ABCA9: variants seen among roughly 807,000 people sequenced by gnomAD.
ABCA9 encodes the protein ATP binding cassette subfamily A member 9, also known as ATP-binding cassette sub-family A member 9.
ABCA9 carries 183 observed loss-of-function variants against 205.3 expected under a neutral mutation model. The ratio of observed to expected loss-of-function variants is 0.89; its 90% CI spans 0.79 to 1.01. ABCA9 has a LOEUF of 1.01. Among genes scored for constraint, ABCA9 ranks in the 50% least tolerant of loss-of-function variants. The probability of loss-of-function intolerance (pLI) is 0.00; values close to 1 mark genes in which losing one functional copy is unlikely to be tolerated. For missense variants in ABCA9, 1,805 were observed against 1,912.4 expected (o/e 0.94, Z 1.05); for synonymous variants, 651 against 683.3 (o/e 0.95, Z 0.74).
At chr17:68,992,146 A>T (rs757361682) in intron 28 of ABCA9, 29 bp downstream of exon 28, 3 of 1,448,962 alleles carry the variant, frequency 2.1e-6, no homozygotes, top group Non-Finnish European at 2.8e-6. Context: ...ATCAAAATGA[A>T]ACATGAAATT....
intron 23 of ABCA9, among the ~76,000 whole-genome samples, chr17:69,009,503 G>A (rs1297999333): frequency 6.6e-6 from 1 of 152,154 alleles, no homozygotes; most frequent in Non-Finnish European, 1.5e-5. Flanking sequence ...AAGGGAGTAA[G>A]ATACACCTGG....
the ABCA9 span, among the ~76,000 whole-genome samples, chr17:69,077,634 T>C: frequency 8.5e-5 from 13 of 152,322 alleles, no homozygotes; most frequent in East Asian, 1.5e-3. Context: ...TGTTTGGCTC[T>C]CTAAGTCTTT....
In ABCA9 at chr17:69,020,535, C is replaced by T. The variant is rs199529767; in HGVS notation, c.2453G>A (p.Ser818Asn). ...LQTDGAKDIG[S>N]LVELEQVLSS... Reference sequence around the variant, plus strand: ...CAAAACTTGTTCCAGCTCAACAAGGCTTCCTATATCTTTTGCCCCATCAGT... The same window carrying T: ...CAAAACTTGTTCCAGCTCAACAAGGTTTCCTATATCTTTTGCCCCATCAGT... Residue 818 changes from serine to asparagine, a missense_variant, in exon 19 of 39, where the codon AGC becomes AAC. Ser to Asn is a conservative substitution (Grantham distance 46, BLOSUM62 1). Transcript: ENST00000340001. 1 of 1,614,066 alleles carries T rather than the reference C, an allele frequency of 6.2e-7. No homozygotes were observed.
chr17:69,061,558 C>T (rs1283298060), upstream of ABCA9, among the ~76,000 whole-genome samples: 1 of 152,112 alleles, frequency 6.6e-6, no homozygotes, highest in Non-Finnish European at 1.5e-5. Flanking sequence ...GGTACTGAAG[C>T]GAGCAGAATC....
intron 22 of ABCA9, among the ~76,000 whole-genome samples, chr17:69,012,597 A>T (rs547598967): frequency 7.2e-4 from 110 of 152,164 alleles, no homozygotes; most frequent in African/African-American, 2.6e-3. Flanking sequence ...AAAAAAATTT[A>T]AAATTTGTGG....
chr17:68,992,066 T>TA (rs759992555), intron 28 of ABCA9, 109 bp downstream of exon 28: 8 of 722,964 alleles, frequency 1.1e-5, no homozygotes, highest in African/African-American at 1.8e-5. Context: ...TCACAGTCTT[T>TA]AAAAACCATC....
At chr17:69,025,445 T>C (rs1484162764) in intron 16 of ABCA9, among the ~76,000 whole-genome samples, 1 of 152,160 alleles carries the variant, frequency 6.6e-6, no homozygotes, top group Non-Finnish European at 1.5e-5. Context: ...AGAACATGTT[T>C]GACAGATATC....
intron 21 of ABCA9, among the ~76,000 whole-genome samples, chr17:69,017,257 A>C (rs73370047): frequency 0.051 from 7,707 of 152,104 alleles, 436 homozygotes; most frequent in African/African-American, 0.14. Context: ...TCAAATTCCT[A>C]CAGGGTCTAG....
In ABCA9 at chr17:68,987,742, T is replaced by TTTTG. The variant is rs72186562; in HGVS notation, c.4047+1281_4047+1284dup. ...TTGACATGACCTCATTTGCGTTTTT[T>TTTTG]TTTGTTTGTTTGTTTGTTTGTTTGT... is the stretch of plus-strand genomic sequence containing the variant. On this transcript the variant is annotated intron_variant, in intron 31 of 38. Transcript: ENST00000340001. Among the ~76,000 whole-genome samples the TTTTG allele has an allele frequency of 2.3e-4, 31 of 135,848 alleles. 1 individual carries two copies. The highest frequency in any genetic ancestry group is 3.0e-4 in the African/African-American group (11 of 36,890). The allele number at this position is 135,848 out of a possible 152,430, so 89.1% of individuals were successfully genotyped here. A position where few individuals can be genotyped will look rare whatever the true frequency, so the allele number is the denominator to read the frequency against.
At position 69,018,065 on chromosome 17, in the gene ABCA9, G is replaced by GTCTA. The variant is rs200788755; in HGVS notation, c.2768-280_2768-277dup. ...ATTATAATCCTTGAAGCTATTAATA[G>GTCTA]TCTATCTATCTTTTTAAATTTGAAA... On this transcript the variant is annotated intron_variant, in intron 20 of 38. Coordinates refer to ENST00000340001, the MANE Select transcript of ABCA9 (RefSeq NM_080283.4). 1,240 of 396,416 alleles carry GTCTA rather than the reference G, an allele frequency of 3.1e-3. 16 individuals are homozygous for GTCTA. The highest frequency in any genetic ancestry group is 0.023 in the African/African-American group (1,105 of 48,122). The allele number at this position is 396,416 out of a possible 1,614,324, so 24.6% of individuals were successfully genotyped here. A position where few individuals can be genotyped will look rare whatever the true frequency, so the allele number is the denominator to read the frequency against.
At chr17:69,007,065 A>G (rs753096409) in intron 25 of ABCA9, among the ~76,000 whole-genome samples, 5 of 152,196 alleles carry the variant, frequency 3.3e-5, no homozygotes, top group Non-Finnish European at 7.3e-5. Context: ...GATGATTCCA[A>G]ACTTTTAGAA....
Position 68,974,521 on chromosome 17 carries a change from A to G in ABCA9, c.*1394T>C, listed in dbSNP as rs1384504986. 6.6e-6 allele frequency: 1 copy of G among 152,238 alleles called. No individual in the cohort carries two copies. The highest frequency in any genetic ancestry group is 2.4e-5 in the African/African-American group (1 of 41,468). 9.4% of individuals were successfully genotyped at this position (152,238 alleles called of 1,614,324 possible). A position where few individuals can be genotyped will look rare whatever the true frequency, so the allele number is the denominator to read the frequency against. ...TGATGGAAGTGTTTTATTTTCAAAA[A>G]CTAGAAGAATATAAGAACTAAAATC... On this transcript the variant is annotated 3_prime_UTR_variant, in exon 39 of 39. Transcript: ENST00000340001.
the ABCA9 span, among the ~76,000 whole-genome samples, chr17:69,078,188 GT>G: frequency 6.9e-6 from 1 of 145,112 alleles, no homozygotes; most frequent in East Asian, 2.1e-4. Context: ...TACTTGTGAG[GT>G]TTTTTGGTTT....
chr17:69,035,938 C>G, intron 6 of ABCA9, 137 bp from the exon 7 acceptor site: 1 of 1,048,900 alleles, frequency 9.5e-7, no homozygotes. Context: ...TAACTTATCT[C>G]CTACCCTCAG....
chr17:69,066,901 G>T, the ABCA9 span, among the ~76,000 whole-genome samples: 9 of 152,256 alleles, frequency 5.9e-5, no homozygotes, highest in East Asian at 1.3e-3. Flanking sequence ...AATTTGTAAG[G>T]TTTATCTCTG....
At chr17:69,006,833 A>G (rs1270036607) in intron 25 of ABCA9, among the ~76,000 whole-genome samples, 3 of 152,214 alleles carry the variant, frequency 2.0e-5, no homozygotes, top group African/African-American at 7.2e-5. Context: ...TATTTTGAAA[A>G]GATCTCATTG....
chr17:69,054,143 A>T (rs2071994240), intron 1 of ABCA9, among the ~76,000 whole-genome samples: 1 of 152,196 alleles, frequency 6.6e-6, no homozygotes, highest in Non-Finnish European at 1.5e-5. Context: ...ACAAACAAAA[A>T]ATGAGAGAAT....
chr17:69,073,110 G>T, the ABCA9 span, among the ~76,000 whole-genome samples: 1 of 152,164 alleles, frequency 6.6e-6, no homozygotes, highest in African/African-American at 2.4e-5. Context: ...CAAGTTCTTA[G>T]AGACCTACAA....
intron 19 of ABCA9, chr17:69,020,116 A>C (rs908548548): frequency 8.9e-6 from 3 of 338,154 alleles, no homozygotes; most frequent in African/African-American, 6.5e-5. Flanking sequence ...CTAAGTACTA[A>C]TATCCACGTG....
Sources: gnomAD v4.1 joint callset for allele counts (sites outside exome capture counted in the v4.1 genomes callset) on GRCh38, gnomAD v4.1.1 for gene constraint, MANE v1.5 for transcripts, NCBI Gene and HGNC (gene_info 2026-07-23, HGNC 2026-07-21) for gene names.